Variants in ARHGAP20 observed in about 807,000 individuals in gnomAD.
ARHGAP20 encodes the protein rho GTPase-activating protein 20.
In ARHGAP20, 34 loss-of-function variants were observed where a neutral mutation model predicts 73.7. That is an observed-to-expected ratio of 0.46 (90% CI 0.35 to 0.61). ARHGAP20 has a LOEUF of 0.61. Ranked by LOEUF, ARHGAP20 falls within the 20% of genes least tolerant of loss-of-function variation. The pLI is 0.00. For synonymous variants in ARHGAP20, 523 were observed against 518.2 expected, an observed-to-expected ratio of 1.01 and a Z score of -0.13; for missense variants, 1,314 against 1,420.9, an observed-to-expected ratio of 0.92 and a Z score of 1.21.
chr11:110,687,077 C>CAT (rs1282800863), intron 2 of ARHGAP20, among the ~76,000 whole-genome samples: 6 of 104,760 alleles, frequency 5.7e-5, no homozygotes, highest in South Asian at 7.5e-4. Context: ...CACACACACA[C>CAT]ATATATATAG....
At chr11:110,589,659 A>G in intron 11 of ARHGAP20, 1 of 985,456 alleles carries the variant, frequency 1.0e-6, no homozygotes, top group Non-Finnish European at 1.2e-6. Flanking sequence ...AATGTAGAGC[A>G]TTTCCAAGAA....
chr11:110,612,838 C>T lies in ARHGAP20; in HGVS notation c.631-1452G>A, dbSNP rs527465314. Reference sequence around the variant, plus strand: ...AAAATGCACAATTTCAAACTGTGTTCCTGGTAGCCCCAAGGATTGTGCAAA... The same window carrying T: ...AAAATGCACAATTTCAAACTGTGTTTCTGGTAGCCCCAAGGATTGTGCAAA... On this transcript the variant is annotated intron_variant, in intron 6 of 14. Coordinates refer to ENST00000683387, the MANE Select transcript of ARHGAP20 (RefSeq NM_001384657.1). Among the ~76,000 whole-genome samples, 5 of 152,228 alleles carry T rather than the reference C, an allele frequency of 3.3e-5. No individual in the cohort carries two copies. In the East Asian group the frequency reaches 7.7e-4, roughly 24 times the overall value.
intron 4 of ARHGAP20, among the ~76,000 whole-genome samples, chr11:110,621,183 T>C (rs1329358647): frequency 6.6e-6 from 1 of 152,092 alleles, no homozygotes; most frequent in African/African-American, 2.4e-5. Context: ...ACTACATTGT[T>C]TTTATCTGAC....
chr11:110,619,588 TAGTGATAGAGTGTATGC>T (rs1565442086), intron 4 of ARHGAP20, among the ~76,000 whole-genome samples: 4 of 148,748 alleles, frequency 2.7e-5, no homozygotes, highest in East Asian at 4.0e-4. Context: ...AGCGTATATG[TAGTGATAGAGTGTATGC>T]AGTGATAGAG....
At chr11:110,616,255 C>T (rs1948479688) in intron 4 of ARHGAP20, among the ~76,000 whole-genome samples, 1 of 152,108 alleles carries the variant, frequency 6.6e-6, no homozygotes, top group Non-Finnish European at 1.5e-5. Flanking sequence ...CCATTTGCAA[C>T]TAAATTAGTA....
intron 1 of ARHGAP20, among the ~76,000 whole-genome samples, chr11:110,700,122 A>G (rs1201944672): frequency 2.6e-5 from 4 of 152,022 alleles, no homozygotes; most frequent in African/African-American, 4.8e-5. Flanking sequence ...ATTAGTTCTC[A>G]CAGAGATTAA....
At chr11:110,710,390 G>T (rs1408801539) in intron 1 of ARHGAP20, among the ~76,000 whole-genome samples, 1 of 151,284 alleles carries the variant, frequency 6.6e-6, no homozygotes, top group Non-Finnish European at 1.5e-5. Context: ...TGATAATAAA[G>T]CTCCTCTTTA....
intron 11 of ARHGAP20, 87 bp downstream of exon 11, chr11:110,590,561 T>C: frequency 1.5e-6 from 2 of 1,341,554 alleles, no homozygotes; most frequent in South Asian, 1.7e-5. Flanking sequence ...TCTTTGCAAA[T>C]AGAAATAATG....
chr11:110,642,830 C>T (rs1050714894), intron 2 of ARHGAP20, among the ~76,000 whole-genome samples: 2 of 152,016 alleles, frequency 1.3e-5, no homozygotes, highest in Non-Finnish European at 2.9e-5. Flanking sequence ...TCCTCCTCGA[C>T]TTTTTAGAAT....
intron 4 of ARHGAP20, among the ~76,000 whole-genome samples, chr11:110,616,505 T>C (rs999808850): frequency 2.0e-5 from 3 of 152,118 alleles, no homozygotes; most frequent in African/African-American, 7.2e-5. Flanking sequence ...TTTTGAGTAG[T>C]TAGGGCTACA....
Position 110,712,294 on chromosome 11 carries a change from C to T in ARHGAP20, c.-63G>A, listed in dbSNP as rs998141966. 5.7e-6 allele frequency: 7 copies of T among 1,237,466 alleles called. No individual in the cohort carries two copies. The highest frequency in any genetic ancestry group is 3.3e-5 in the South Asian group (1 of 30,684). 76.7% of individuals were successfully genotyped at this position (1,237,466 alleles called of 1,614,324 possible). On this transcript the variant is annotated 5_prime_UTR_variant, in exon 1 of 15. Transcript: ENST00000683387. ...GCTACACGATCATGTCCGCGGGCTG[C>T]CGGCCGGAGGGGCGAGGACGCGCGG...
intron 9 of ARHGAP20, among the ~76,000 whole-genome samples, chr11:110,600,942 G>A: frequency 6.6e-6 from 1 of 152,098 alleles, no homozygotes; most frequent in Non-Finnish European, 1.5e-5. Flanking sequence ...CAAAAATTTG[G>A]AAAAAAGATT....
intron 2 of ARHGAP20, among the ~76,000 whole-genome samples, chr11:110,687,821 TTAAG>T (rs1950165729): frequency 6.6e-6 from 1 of 152,134 alleles, no homozygotes; most frequent in African/African-American, 2.4e-5. Flanking sequence ...CTAAAGACAA[TTAAG>T]TAGTCAGATG....
chr11:110,584,191 C>A lies in ARHGAP20; in HGVS notation c.1416-454G>T, dbSNP rs184993042. Among the ~76,000 whole-genome samples, 91 of 152,306 alleles carry A rather than the reference C, an allele frequency of 6.0e-4. 1 individual carries two copies. Among genetic ancestry groups the A allele is most frequent in the Admixed American group, 2.2e-3 (34 of 15,292 alleles). Reference sequence around the variant, plus strand: ...CTCTTGGTAAGAACCCAAACCTTAGCTATCAAGACGTCCAGGTCCATTTTG... The same window carrying A: ...CTCTTGGTAAGAACCCAAACCTTAGATATCAAGACGTCCAGGTCCATTTTG... On this transcript the variant is annotated intron_variant, in intron 12 of 14. Transcript: ENST00000683387.
rs992375744 is a variant in ARHGAP20 at position 110,614,591 on chromosome 11, G to C, written c.600C>G (p.Ile200Met). The change falls in exon 6 of 15, where the codon ATC becomes ATG. Residue 200 changes from isoleucine to methionine, a missense_variant. Physicochemically the swap from Ile to Met is conservative, Grantham distance 10. Transcript: ENST00000683387. ...KDYPKSIPLK[I>M]FAKDIGNCAY... The stretch of plus-strand genomic sequence containing the variant: ...CACAATTCCCAATGTCCTTGGCGAA[G>C]ATTTTGAGGGGAATGCTCTTCGGGT... The C allele has an allele frequency of 6.2e-7, 1 of 1,613,216 alleles. No individual in the cohort carries two copies. Among genetic ancestry groups the C allele is most frequent in the Non-Finnish European group, 8.5e-7 (1 of 1,179,628 alleles).
At chr11:110,649,464 TA>T (rs1189850132) in intron 2 of ARHGAP20, among the ~76,000 whole-genome samples, 3 of 152,032 alleles carry the variant, frequency 2.0e-5, no homozygotes, top group African/African-American at 4.8e-5. Context: ...TATTTAGATG[TA>T]AAAATGAGAC....
chr11:110,624,631 T>G (rs1948698771), intron 3 of ARHGAP20, among the ~76,000 whole-genome samples: 1 of 152,034 alleles, frequency 6.6e-6, no homozygotes, highest in Non-Finnish European at 1.5e-5. Context: ...ATCCTGTTTT[T>G]TTTTTTAGAA....
Position 110,580,853 on chromosome 11 carries a change from C to G in ARHGAP20, c.2093G>C (p.Arg698Thr). Reference protein sequence around the residue: ...TAAANAAKSLRRHRRCSEPSI... With the variant: ...TAAANAAKSLTRHRRCSEPSI... Reference sequence around the variant, plus strand: ...GGGCTCTGAGCAACGCCGGTGTCGCCTCAGGCTTTTTGCAGCATTTGCTGC... The same window carrying G: ...GGGCTCTGAGCAACGCCGGTGTCGCGTCAGGCTTTTTGCAGCATTTGCTGC... The change falls in exon 15 of 15, where the codon AGG (arginine) becomes ACG (threonine). Residue 698 changes from arginine (R) to threonine (T), a missense_variant. Physicochemically the swap from Arg to Thr is moderately conservative, Grantham distance 71 (BLOSUM62 -1). Around this residue, in one of 3 missense-constraint regions of ARHGAP20, gnomAD observed 641 missense variants for 636.9 expected, o/e 1.01. Transcript: ENST00000683387. 1 of 1,613,082 alleles carries G rather than the reference C, an allele frequency of 6.2e-7. No individual in the cohort carries two copies. Among genetic ancestry groups the G allele is most frequent in the Non-Finnish European group, 8.5e-7 (1 of 1,179,154 alleles).
chr11:110,582,256 C>G, intron 14 of ARHGAP20, 65 bp downstream of exon 14: 1 of 1,346,262 alleles, frequency 7.4e-7, no homozygotes, highest in Non-Finnish European at 1.1e-6. Context: ...AACCCCTATC[C>G]CAGCACGTTT....
Sources: allele counts gnomAD v4.1 joint callset (sites outside exome capture counted in the v4.1 genomes callset), GRCh38; gene constraint gnomAD v4.1.1; regional missense constraint gnomAD v4.1.1; transcripts MANE v1.5; gene names NCBI Gene and HGNC (gene_info 2026-07-23, HGNC 2026-07-21).